The following PLA1A variants were observed in gnomAD, a reference collection of about 807,000 sequenced individuals.
PLA1A encodes phosphatidylserine-specific phospholipase A1alpha.
Under a neutral mutation model 49.4 loss-of-function variants are expected in PLA1A, and 47 were observed. The ratio of observed to expected loss-of-function variants is 0.95; its 90% CI spans 0.75 to 1.21. The LOEUF is 1.21. Ranked by LOEUF, PLA1A falls within the 50% of genes most tolerant of loss-of-function variation. The pLI, the probability that PLA1A is intolerant of heterozygous loss-of-function variation, is 0.00. For synonymous variants in PLA1A, 224 were observed against 207.9 expected (o/e 1.08, Z -0.67); for missense variants, 561 against 563.9 (o/e 0.99, Z 0.05).
chr3:119,601,036 G>A (rs1303548977), intron 1 of PLA1A, among the ~76,000 whole-genome samples: 7 of 152,328 alleles, frequency 4.6e-5, no homozygotes, highest in East Asian at 3.9e-4. Context: ...CTGGAGGAGG[G>A]TGCCTGCTTC....
At chr3:119,624,978 A>G (rs2052496388) in intron 8 of PLA1A, 146 bp from the exon 9 acceptor site, 1 of 584,676 alleles carries the variant, frequency 1.7e-6, no homozygotes, top group Non-Finnish European at 3.1e-6. Flanking sequence ...GAAACTGAGG[A>G]CCTGAGATTA....
intron 8 of PLA1A, among the ~76,000 whole-genome samples, chr3:119,620,458 C>G (rs2082914119): frequency 1.3e-5 from 2 of 152,182 alleles, no homozygotes; most frequent in South Asian, 4.1e-4. Context: ...GAGCCTAGAG[C>G]TCAGACTCTG....
At chr3:119,602,126 T>C (rs971793994) in intron 1 of PLA1A, among the ~76,000 whole-genome samples, 30 of 152,170 alleles carry the variant, frequency 2.0e-4, no homozygotes, top group Middle Eastern at 3.2e-3. Flanking sequence ...TAGCCTTTAG[T>C]TTTTCCTTCT....
At chr3:119,606,746 T>C (rs2082693781) in intron 1 of PLA1A, 28 bp from the exon 2 acceptor site, 1 of 1,585,516 alleles carries the variant, frequency 6.3e-7, no homozygotes, top group Non-Finnish European at 8.7e-7. Flanking sequence ...ACCTTGGATG[T>C]TGCTTGTTTT....
intron 5 of PLA1A, among the ~76,000 whole-genome samples, chr3:119,613,566 C>A (rs1045315428): frequency 1.3e-5 from 2 of 152,216 alleles, no homozygotes; most frequent in African/African-American, 4.8e-5. Flanking sequence ...CCCCAGATGA[C>A]AAGCTTGGCC....
At chr3:119,628,238 C>T (rs753446526) in intron 9 of PLA1A, among the ~76,000 whole-genome samples, 2 of 152,254 alleles carry the variant, frequency 1.3e-5, no homozygotes, top group Non-Finnish European at 1.5e-5. Context: ...TTCCACCCAA[C>T]TCTGTCTGCG....
At position 119,597,957 on chromosome 3, in the gene PLA1A, T is replaced by C. The variant is rs1368986240; in HGVS notation, c.44T>C (p.Leu15Pro). ...GAGAGCTGCTTCTGGGTGGGGGGCC[T>C]CATTTTGTGGCTCAGCGTTGGAAGT... ...PWESCFWVGG[L>P]ILWLSVGSSG... The change falls in exon 1 of 11, where the codon CTC becomes CCC. Residue 15 changes from leucine (L) to proline (P), a missense_variant. Coordinates refer to ENST00000273371, the MANE Select transcript of PLA1A (RefSeq NM_015900.4). The C allele has an allele frequency of 6.2e-7, 1 of 1,610,134 alleles. No individual in the cohort carries two copies. The highest frequency in any genetic ancestry group is 8.5e-7 in the Non-Finnish European group (1 of 1,177,980).
chr3:119,613,454 T>C (rs2082797158), intron 5 of PLA1A, among the ~76,000 whole-genome samples: 1 of 152,224 alleles, frequency 6.6e-6, no homozygotes, highest in African/African-American at 2.4e-5. Context: ...CTGGCTGACT[T>C]ACGGGAAAGT....
chr3:119,618,300 A>G, intron 7 of PLA1A, 114 bp downstream of exon 7: 9 of 983,046 alleles, frequency 9.2e-6, no homozygotes, highest in Non-Finnish European at 1.4e-5. Context: ...CCAATTTGGG[A>G]AAAGAAAATT....
chr3:119,628,417 C>T (rs1306254707), intron 9 of PLA1A, among the ~76,000 whole-genome samples: 17 of 151,948 alleles, frequency 1.1e-4, no homozygotes, highest in African/African-American at 2.2e-4. Context: ...AATCCAAGAA[C>T]GAGGAACAGT....
intron 4 of PLA1A, among the ~76,000 whole-genome samples, chr3:119,611,067 A>G (rs2082758783): frequency 1.3e-5 from 2 of 152,168 alleles, no homozygotes; most frequent in South Asian, 4.1e-4. Flanking sequence ...CGAATAGGGT[A>G]TCTTTTCCTC....
rs374852182 is a variant in PLA1A, at chr3:119,628,779, G to A, written c.1200G>A (p.Lys400=). Residue 400 remains lysine (K), a synonymous_variant, in exon 10 of 11, where the codon AAG becomes AAA. Coordinates refer to ENST00000273371, the MANE Select transcript of PLA1A (RefSeq NM_015900.4). ...GCCAGATAAACCAAGTGAAATTCAA[G>A]TTTCAGTCTTCCAACCGAGTTTGGA... ...PQCQINQVKF[K]FQSSNRVWKK... is the part of the protein sequence containing the mutation. The A allele has an allele frequency of 1.1e-4, 170 of 1,614,048 alleles. No individual in the cohort carries two copies. Among genetic ancestry groups the A allele is most frequent in the Non-Finnish European group, 1.4e-4 (160 of 1,179,906 alleles).
intron 4 of PLA1A, among the ~76,000 whole-genome samples, chr3:119,612,739 C>T (rs922343624): frequency 1.3e-5 from 2 of 152,178 alleles, no homozygotes; most frequent in African/African-American, 2.4e-5. Flanking sequence ...CCGCCTGCCT[C>T]GGCCTCCCAA....
intron 8 of PLA1A, among the ~76,000 whole-genome samples, chr3:119,622,137 G>GGAA: frequency 8.0e-6 from 1 of 125,054 alleles, no homozygotes; most frequent in African/African-American, 4.2e-5. Flanking sequence ...AAGAGGAAGA[G>GGAA]GAGGAGGAGG....
At chr3:119,622,169 A>T (rs1292032947) in intron 8 of PLA1A, among the ~76,000 whole-genome samples, 1 of 97,906 alleles carries the variant, frequency 1.0e-5, no homozygotes, top group Non-Finnish European at 2.2e-5. Context: ...GAAGAAGAAG[A>T]AGAAGAAGAA....
At chr3:119,609,673 C>A in intron 4 of PLA1A, 97 bp downstream of exon 4, 1 of 649,790 alleles carries the variant, frequency 1.5e-6, no homozygotes, top group African/African-American at 1.8e-5. Flanking sequence ...AGTACAGAGC[C>A]TTTGTTCTCA....
At chr3:119,628,054 T>C (rs954702159) in intron 9 of PLA1A, among the ~76,000 whole-genome samples, 8 of 152,164 alleles carry the variant, frequency 5.3e-5, no homozygotes, top group African/African-American at 1.9e-4. Context: ...CTGGATGCCA[T>C]TTTCACTCTG....
At chr3:119,616,644 A>G (rs986409586) in intron 6 of PLA1A, among the ~76,000 whole-genome samples, 5 of 152,252 alleles carry the variant, frequency 3.3e-5, no homozygotes, top group Non-Finnish European at 7.3e-5. Flanking sequence ...AAAATTTAAA[A>G]TGCTGATTTC....
Position 119,629,536 on chromosome 3 carries a change from A to ATG in PLA1A, c.*77_*78dup, listed in dbSNP as rs1302381703. Reference sequence around the variant, plus strand: ...TTTTGAGAGAGAGGTGTGATGAGGGATGTGTGTGTGCAGCTTATTGTAGAC... The same window carrying ATG: ...TTTTGAGAGAGAGGTGTGATGAGGGATGTGTGTGTGTGCAGCTTATTGTAGAC... On this transcript the variant is annotated 3_prime_UTR_variant, in exon 11 of 11. Transcript: ENST00000273371. 2.5e-6 allele frequency: 2 copies of ATG among 813,496 alleles called. No homozygotes were observed. The highest frequency in any genetic ancestry group is 2.5e-5 in the East Asian group (1 of 40,770). The allele number at this position is 813,496 out of a possible 1,614,324, so 50.4% of individuals were successfully genotyped here.
Sources: allele counts gnomAD v4.1 joint callset (sites outside exome capture counted in the v4.1 genomes callset), GRCh38; gene constraint gnomAD v4.1.1; transcripts MANE v1.5; gene names NCBI Gene and HGNC (gene_info 2026-07-23, HGNC 2026-07-21).